CDK14: variants seen among roughly 807,000 people sequenced by gnomAD.
The protein encoded by CDK14 is cyclin dependent kinase 14.
CDK14 carries 34 observed loss-of-function variants against 60.7 expected under a neutral mutation model. The observed-to-expected ratio is 0.56, with a 90% CI of 0.43 to 0.75. The LOEUF (loss-of-function observed/expected upper bound fraction) is 0.75. CDK14 is among the 30% of genes least tolerant of loss of function. CDK14 has a pLI of 0.00. For synonymous variants in CDK14, 197 were observed against 203.7 expected, an observed-to-expected ratio of 0.97 and a Z score of 0.28; for missense variants, 482 against 564.1, an observed-to-expected ratio of 0.85 and a Z score of 1.47.
chr7:90,741,887 A>T (rs958066130), intron 3 of CDK14, among the ~76,000 whole-genome samples: 1 of 152,086 alleles, frequency 6.6e-6, no homozygotes, highest in Non-Finnish European at 1.5e-5. Context: ...TTTCAGATAC[A>T]CAGTATATTG....
intron 10 of CDK14, among the ~76,000 whole-genome samples, chr7:91,032,447 A>C (rs528557477): frequency 2.6e-5 from 4 of 152,340 alleles, no homozygotes; most frequent in African/African-American, 7.2e-5. Context: ...GGGTCTTTGC[A>C]GGTGGGATTA....
chr7:90,980,121 C>A (rs1407312378), intron 9 of CDK14, among the ~76,000 whole-genome samples: 2 of 151,956 alleles, frequency 1.3e-5, no homozygotes, highest in Non-Finnish European at 2.9e-5. Context: ...CATTCATATA[C>A]CTGAGACATA....
intron 12 of CDK14, among the ~76,000 whole-genome samples, chr7:91,086,749 A>G (rs1798654040): frequency 6.6e-6 from 1 of 152,256 alleles, no homozygotes; most frequent in Non-Finnish European, 1.5e-5. Context: ...TGAAGCATGA[A>G]CAGAAATGCA....
At chr7:90,929,965 G>A (rs1273721502) in intron 8 of CDK14, among the ~76,000 whole-genome samples, 1 of 152,136 alleles carries the variant, frequency 6.6e-6, no homozygotes, top group African/African-American at 2.4e-5. Context: ...TTTTATATTA[G>A]CATGAAACAC....
intron 2 of CDK14, among the ~76,000 whole-genome samples, chr7:90,697,621 C>G (rs1403425594): frequency 6.6e-6 from 1 of 152,142 alleles, no homozygotes; most frequent in African/African-American, 2.4e-5. Flanking sequence ...GTGAGATTTT[C>G]TATAAACCTA....
At chr7:90,816,343 C>G (rs1440346954) in intron 5 of CDK14, among the ~76,000 whole-genome samples, 1 of 152,072 alleles carries the variant, frequency 6.6e-6, no homozygotes, top group African/African-American at 2.4e-5. Context: ...GTGGGTTGCT[C>G]CTGAAAGTTT....
chr7:90,615,036 T>A (rs1028956407), intron 2 of CDK14, among the ~76,000 whole-genome samples: 2 of 152,206 alleles, frequency 1.3e-5, no homozygotes, highest in Non-Finnish European at 2.9e-5. Flanking sequence ...ATTAATTTTT[T>A]AATAATGAAA....
At chr7:90,757,246 G>GTGTGTC (rs1411359274) in intron 4 of CDK14, among the ~76,000 whole-genome samples, 2 of 137,226 alleles carry the variant, frequency 1.5e-5, no homozygotes, top group Admixed American at 8.2e-5. Context: ...GTGTGTGTGT[G>GTGTGTC]TGTGTCTGTG....
intron 2 of CDK14, among the ~76,000 whole-genome samples, chr7:90,629,387 G>C (rs1275580554): frequency 6.6e-6 from 1 of 152,140 alleles, no homozygotes; most frequent in Non-Finnish European, 1.5e-5. Context: ...CTAAGCTCTT[G>C]CTCTGTATTT....
chr7:90,804,976 G>A (rs936268130), intron 5 of CDK14, among the ~76,000 whole-genome samples: 5 of 152,012 alleles, frequency 3.3e-5, no homozygotes, highest in African/African-American at 9.7e-5. Context: ...TATGTTATAT[G>A]TAGGTTTTAA....
intron 5 of CDK14, among the ~76,000 whole-genome samples, chr7:90,844,869 AGAT>A (rs1790414947): frequency 6.6e-6 from 1 of 152,190 alleles, no homozygotes; most frequent in South Asian, 2.1e-4. Context: ...GTGAGGCTTC[AGAT>A]GGTGAAGATA....
chr7:90,996,694 T>C (rs1329748965), intron 10 of CDK14, among the ~76,000 whole-genome samples: 2 of 152,184 alleles, frequency 1.3e-5, no homozygotes, highest in Non-Finnish European at 2.9e-5. Flanking sequence ...CTTACTAAAA[T>C]CTCTTTGTGG....
intron 2 of CDK14, 200 bp from the exon 3 acceptor site, chr7:90,726,367 G>T (rs751450684): frequency 7.6e-5 from 100 of 1,317,520 alleles, no homozygotes; most frequent in Non-Finnish European, 9.5e-5. Context: ...GTAAGCTCTA[G>T]TGTGAGATCT....
Position 90,757,246 on chromosome 7 carries a change from GTGTGTC to G in CDK14, c.464+9477_464+9482del, listed in dbSNP as rs1411359274. 5.9e-3 allele frequency among the ~76,000 whole-genome samples: 814 copies of G among 137,222 alleles called. 5 individuals are homozygous for G. The highest frequency in any genetic ancestry group is 0.017 in the African/African-American group (624 of 36,956). 90.0% of individuals were successfully genotyped at this position (137,222 alleles called of 152,430 possible). A position where few individuals can be genotyped will look rare whatever the true frequency, so the allele number is the denominator to read the frequency against. ...TGTGTGTGTGTGTGTGTGTGTGTGTGTGTGTCTGTGTGTGTCTGTGTCCAAGTTTTC... is the reference window on the plus strand; with the variant it reads ...TGTGTGTGTGTGTGTGTGTGTGTGTGTGTGTGTGTCTGTGTCCAAGTTTTC... On this transcript the variant is annotated intron_variant, in intron 4 of 14. Coordinates refer to ENST00000380050, the MANE Select transcript of CDK14 (RefSeq NM_001287135.2).
chr7:90,891,109 A>G (rs1431021257), intron 6 of CDK14, among the ~76,000 whole-genome samples: 1 of 152,198 alleles, frequency 6.6e-6, no homozygotes, highest in Non-Finnish European at 1.5e-5. Context: ...TTGGGACCAC[A>G]TGGGGTACCA....
At chr7:91,046,496 T>C (rs1373364571) in intron 11 of CDK14, among the ~76,000 whole-genome samples, 1 of 152,200 alleles carries the variant, frequency 6.6e-6, no homozygotes, top group African/African-American at 2.4e-5. Flanking sequence ...GAAAGAAATG[T>C]GAACTTTTAA....
At chr7:91,123,903 TTTG>T (rs934926543) in intron 14 of CDK14, among the ~76,000 whole-genome samples, 3 of 152,038 alleles carry the variant, frequency 2.0e-5, no homozygotes, top group Non-Finnish European at 4.4e-5. Context: ...GCATTTTTGT[TTTG>T]TTTTGTTTTT....
intron 14 of CDK14, among the ~76,000 whole-genome samples, chr7:91,144,926 A>G (rs1800579505): frequency 6.6e-6 from 1 of 152,188 alleles, no homozygotes; most frequent in African/African-American, 2.4e-5. Flanking sequence ...TTAGGGACAT[A>G]AGGGCAGAGA....
chr7:90,985,595 T>C (rs1795351069), intron 10 of CDK14, among the ~76,000 whole-genome samples: 1 of 152,150 alleles, frequency 6.6e-6, no homozygotes, highest in Non-Finnish European at 1.5e-5. Context: ...ATATTAAGAA[T>C]ACAATCTGCA....
Sources: allele counts gnomAD v4.1 joint callset (sites outside exome capture counted in the v4.1 genomes callset), GRCh38; gene constraint gnomAD v4.1.1; transcripts MANE v1.5; gene names NCBI Gene and HGNC (gene_info 2026-07-23, HGNC 2026-07-21).